The following ITPR1 variants were observed in gnomAD, a reference collection of about 807,000 sequenced individuals.
ITPR1 encodes inositol 1,4,5-trisphosphate receptor type 1.
A neutral mutation model predicts 318.4 loss-of-function variants in ITPR1; 96 were observed. The observed-to-expected ratio is 0.30, with a 90% CI of 0.26 to 0.36. ITPR1 has a LOEUF of 0.36. ITPR1 is among the 10% of genes least tolerant of loss of function. The pLI, the probability that ITPR1 is intolerant of heterozygous loss-of-function variation, is 1.00. For missense variants in ITPR1, 2,440 were observed against 3,460.2 expected, an observed-to-expected ratio of 0.71 and a Z score of 7.40; for synonymous variants, 1,312 against 1,289.9, an observed-to-expected ratio of 1.02 and a Z score of -0.37.
chr3:4,604,779 A>T (rs1435023413), intron 4 of ITPR1, among the ~76,000 whole-genome samples: 1 of 152,070 alleles, frequency 6.6e-6, no homozygotes, highest in African/African-American at 2.4e-5. Flanking sequence ...TGAAGAGGGA[A>T]TGCAGAGAGA....
chr3:4,589,571 C>T (rs1038236744), intron 4 of ITPR1, among the ~76,000 whole-genome samples: 1 of 152,144 alleles, frequency 6.6e-6, no homozygotes, highest in African/African-American at 2.4e-5. Context: ...CTGTGGCCTT[C>T]TAGTAGTGGA....
At chr3:4,513,861 A>T (rs1237684419) in intron 2 of ITPR1, among the ~76,000 whole-genome samples, 1 of 152,070 alleles carries the variant, frequency 6.6e-6, no homozygotes, top group Non-Finnish European at 1.5e-5. Context: ...TGAGGCAGGC[A>T]GATCACTTGA....
At position 4,779,274 on chromosome 3, in the gene ITPR1, T is replaced by G. The variant is rs2046669820; in HGVS notation, c.6292-276T>G. Among the ~76,000 whole-genome samples the G allele has an allele frequency of 6.6e-6, 1 of 152,248 alleles. No homozygotes were observed. Among genetic ancestry groups the G allele is most frequent in the Admixed American group, 6.5e-5 (1 of 15,292 alleles). ...GTAAATTCCCAATTTCTTCTAGGAC[T>G]TGTACCAGCTAACATTAGGGCATAA... is the stretch of plus-strand genomic sequence containing the variant. On this transcript the variant is annotated intron_variant, in intron 48 of 61. Transcript: ENST00000649015. The surrounding 1 kb of genome is among the most constrained non-coding windows in gnomAD (Gnocchi z 4.0).
chr3:4,555,863 G>A (rs760028798), intron 4 of ITPR1, among the ~76,000 whole-genome samples: 4 of 152,184 alleles, frequency 2.6e-5, no homozygotes, highest in Non-Finnish European at 5.9e-5. Flanking sequence ...AGGCTTGTCT[G>A]TCTTATAGAT....
In ITPR1 at chr3:4,697,185, T is replaced by C; in HGVS notation, c.4320T>C (p.Tyr1440=). ...IAYINFLNHC[Y]VDTEVEMKEI... ...ACATTAACTTCCTGAATCACTGCTA[T>C]GTGGATACAGAGGTGGAAATGAAGG... The change falls in exon 34 of 62, where the codon TAT becomes TAC. Residue 1440 remains tyrosine, a synonymous_variant. Coordinates refer to ENST00000649015, the MANE Select transcript of ITPR1 (RefSeq NM_001378452.1). 2.5e-6 allele frequency: 4 copies of C among 1,608,216 alleles called. No individual in the cohort carries two copies. The highest frequency in any genetic ancestry group is 8.5e-7 in the Non-Finnish European group (1 of 1,176,682).
chr3:4,558,366 A>T (rs1198137579), intron 4 of ITPR1, among the ~76,000 whole-genome samples: 2 of 152,226 alleles, frequency 1.3e-5, no homozygotes, highest in Non-Finnish European at 2.9e-5. Flanking sequence ...GCATAGAAAA[A>T]TATTTACATG....
intron 4 of ITPR1, among the ~76,000 whole-genome samples, chr3:4,610,746 C>T (rs1234596409): frequency 6.6e-6 from 1 of 152,130 alleles, no homozygotes; most frequent in African/African-American, 2.4e-5. Flanking sequence ...TTTTTTTGTG[C>T]ACCACTTATT....
Position 4,567,981 on chromosome 3 carries a change from G to A in ITPR1, c.163+46887G>A, listed in dbSNP as rs1052222057. The stretch of plus-strand genomic sequence containing the variant: ...TCCCAGTAAGTCACGTAATTAAGGT[G>A]AGAGTGCTGCTCAGTAGATTATTTA... On this transcript the variant is annotated intron_variant, in intron 4 of 61. Coordinates refer to ENST00000649015, the MANE Select transcript of ITPR1 (RefSeq NM_001378452.1). 4.7e-5 allele frequency among the ~76,000 whole-genome samples: 4 copies of A among 85,612 alleles called. No individual in the cohort carries two copies. The Admixed American group carries it at 5.9e-4, about 13-fold the overall frequency. The allele number at this position is 85,612 out of a possible 152,430, so 56.2% of individuals were successfully genotyped here. A position where few individuals can be genotyped will look rare whatever the true frequency, so the allele number is the denominator to read the frequency against.
rs1425669505 is a variant in ITPR1 at position 4,699,941 on chromosome 3, G to A, written c.4536G>A (p.Gln1512=). 1 of 1,612,246 alleles carries A rather than the reference G, an allele frequency of 6.2e-7. No individual in the cohort carries two copies. Among genetic ancestry groups the A allele is most frequent in the Non-Finnish European group, 8.5e-7 (1 of 1,178,546 alleles). ...SPFSDQSTTL[Q]TRQPVFVQLL... Reference sequence around the variant, plus strand: ...TCTCAGACCAGAGTACGACTTTGCAGGTAAGAAATAACCAACGTCAAGCAG... The same window carrying A: ...TCTCAGACCAGAGTACGACTTTGCAAGTAAGAAATAACCAACGTCAAGCAG... The change falls in exon 35 of 62, where the codon CAG becomes CAA. Residue 1512 remains glutamine, a splice_region_variant and synonymous_variant. Coordinates refer to ENST00000649015, the MANE Select transcript of ITPR1 (RefSeq NM_001378452.1).
chr3:4,808,144 C>T (rs559731369), intron 55 of ITPR1, among the ~76,000 whole-genome samples: 1 of 152,372 alleles, frequency 6.6e-6, no homozygotes, highest in East Asian at 1.9e-4. Context: ...ATAGGCCTCA[C>T]AGTCAGGAGC....
chr3:4,814,301 G>A, intron 57 of ITPR1, 122 bp from the exon 58 acceptor site: 1 of 1,127,792 alleles, frequency 8.9e-7, no homozygotes, highest in East Asian at 2.4e-5. Flanking sequence ...CTTGGCTCTT[G>A]ATTCCTTAAT....
At chr3:4,629,783 G>A (rs980945604) in intron 5 of ITPR1, among the ~76,000 whole-genome samples, 2 of 152,220 alleles carry the variant, frequency 1.3e-5, no homozygotes, top group Non-Finnish European at 1.5e-5. Flanking sequence ...TGCTGGATAA[G>A]AGGGTGTGAT....
intron 52 of ITPR1, 84 bp downstream of exon 52, chr3:4,788,223 C>A: frequency 1.9e-6 from 2 of 1,039,306 alleles, no homozygotes; most frequent in Non-Finnish European, 2.9e-6. Context: ...CGTTCATTTC[C>A]AAGCAGGAGC....
chr3:4,704,213 G>C (rs1323054028), intron 36 of ITPR1, among the ~76,000 whole-genome samples: 1 of 152,178 alleles, frequency 6.6e-6, no homozygotes, highest in Non-Finnish European at 1.5e-5. Context: ...GGGAGTTCAA[G>C]ACCAGCCTGA....
intron 2 of ITPR1, among the ~76,000 whole-genome samples, chr3:4,500,390 C>G (rs896442037): frequency 6.6e-6 from 1 of 151,746 alleles, no homozygotes; most frequent in Admixed American, 6.6e-5. Flanking sequence ...TTTGTAGGGA[C>G]GGGATCTCGC....
chr3:4,541,115 T>C (rs77917930), intron 4 of ITPR1, among the ~76,000 whole-genome samples: 5,396 of 152,290 alleles, frequency 0.035, 127 homozygotes, highest in Middle Eastern at 0.092. Context: ...CTGTTCATGA[T>C]GTTAGTGCTT....
At position 4,846,299 on chromosome 3, in the gene ITPR1, T is replaced by A; in HGVS notation, c.*74T>A. On this transcript the variant is annotated 3_prime_UTR_variant, in exon 62 of 62. Transcript: ENST00000649015. Reference sequence around the variant, plus strand: ...GTGGGTATGGCTAATGAGTTCTGATTCACCCACGAAGGTTACATTTATGCT... The same window carrying A: ...GTGGGTATGGCTAATGAGTTCTGATACACCCACGAAGGTTACATTTATGCT... The A allele has an allele frequency of 1.0e-6, 1 of 990,710 alleles. No homozygotes were observed. The highest frequency in any genetic ancestry group is 1.5e-6 in the Non-Finnish European group (1 of 646,502). 61.4% of individuals were successfully genotyped at this position (990,710 alleles called of 1,614,324 possible).
chr3:4,646,959 A>G (rs543087265), intron 10 of ITPR1, among the ~76,000 whole-genome samples: 1 of 152,248 alleles, frequency 6.6e-6, no homozygotes, highest in South Asian at 2.1e-4. Context: ...TGCCCAAGTC[A>G]AGAGTATACA....
chr3:4,789,301 C>T (rs1251234115), intron 52 of ITPR1, among the ~76,000 whole-genome samples: 2 of 152,202 alleles, frequency 1.3e-5, no homozygotes, highest in African/African-American at 2.4e-5. Flanking sequence ...GTATGGACCT[C>T]AGGAGACACA....
Sources: allele counts gnomAD v4.1 joint callset (sites outside exome capture counted in the v4.1 genomes callset), GRCh38; gene constraint gnomAD v4.1.1; non-coding constraint Gnocchi (gnomAD v3.1); transcripts MANE v1.5; gene names NCBI Gene and HGNC (gene_info 2026-07-23, HGNC 2026-07-21).